The following TRAPPC9 variants were observed in gnomAD, a reference collection of about 807,000 sequenced individuals.
TRAPPC9 encodes trafficking protein particle complex subunit 9, also known as IKK2 binding protein.
Under a neutral mutation model 124.0 loss-of-function variants are expected in TRAPPC9, and 83 were observed. The observed-to-expected ratio is 0.67, with a 90% CI of 0.56 to 0.80. The LOEUF is 0.80. Among genes scored for constraint, TRAPPC9 ranks in the 30% least tolerant of loss-of-function variants. The pLI is 0.00. For synonymous variants in TRAPPC9, 638 were observed against 617.5 expected (o/e 1.03, Z -0.49); for missense variants, 1,302 against 1,508.3 (o/e 0.86, Z 2.27).
At chr8:140,157,565 G>A (rs34121671) in intron 17 of TRAPPC9, among the ~76,000 whole-genome samples, 25,151 of 152,146 alleles carry the variant, frequency 0.17, 2,535 homozygotes, top group Admixed American at 0.24. Context: ...GGGGACTGTC[G>A]TCCAATCTGG....
chr8:140,005,643 A>T (rs983862920), intron 18 of TRAPPC9, among the ~76,000 whole-genome samples: 13 of 152,084 alleles, frequency 8.5e-5, no homozygotes, highest in African/African-American at 2.9e-4. Flanking sequence ...TTTTGGGAAG[A>T]CAAGGGAGAA....
chr8:140,057,688 A>G (rs1842368321), intron 17 of TRAPPC9, among the ~76,000 whole-genome samples: 1 of 152,188 alleles, frequency 6.6e-6, no homozygotes, highest in Admixed American at 6.5e-5. Flanking sequence ...GAGAGGGGAA[A>G]CGGACAGTTG....
chr8:139,964,636 A>G (rs1835579162), intron 19 of TRAPPC9, among the ~76,000 whole-genome samples: 1 of 152,180 alleles, frequency 6.6e-6, no homozygotes, highest in Non-Finnish European at 1.5e-5. Flanking sequence ...AGGTATTTCT[A>G]TACAGAAAAA....
chr8:140,271,696 A>G (rs1228991721), intron 15 of TRAPPC9, among the ~76,000 whole-genome samples: 1 of 152,256 alleles, frequency 6.6e-6, no homozygotes, highest in African/African-American at 2.4e-5. Flanking sequence ...ATGCTACACC[A>G]TTATATACCT....
upstream of TRAPPC9, chr8:140,458,501 G>A (rs771814582): frequency 2.4e-5 from 38 of 1,579,760 alleles, 1 homozygote; most frequent in South Asian, 4.0e-4. Context: ...CGTGAGGTGC[G>A]AGCCCCAGCC....
intron 21 of TRAPPC9, among the ~76,000 whole-genome samples, chr8:139,812,550 T>G (rs1824516661): frequency 6.6e-6 from 1 of 152,246 alleles, no homozygotes; most frequent in Non-Finnish European, 1.5e-5. Flanking sequence ...GAGTAAGGAC[T>G]GCTGGTCTTC....
Position 140,097,583 on chromosome 8 carries a change from C to G in TRAPPC9, c.2557-73504G>C, listed in dbSNP as rs1483400779. The G allele has an allele frequency of 6.6e-6, 1 of 152,282 alleles. No homozygotes were observed. 9.4% of individuals were successfully genotyped at this position (152,282 alleles called of 1,614,324 possible). On this transcript the variant is annotated intron_variant, in intron 17 of 22. Coordinates refer to ENST00000438773, the MANE Select transcript of TRAPPC9 (RefSeq NM_001160372.4). The surrounding 1 kb of genome is among the most constrained non-coding windows in gnomAD (Gnocchi z 4.2). ...TCCGTAGTGTGCAGCCGCAGCTGTG[C>G]TGCTGTCCACACCATAAAAACTCCT...
chr8:140,205,027 G>A (rs1360381865), intron 17 of TRAPPC9, among the ~76,000 whole-genome samples: 1 of 152,210 alleles, frequency 6.6e-6, no homozygotes, highest in East Asian at 1.9e-4. Context: ...CTACGGAGAT[G>A]TCAGTTTAAA....
At chr8:140,155,970 T>C (rs558546853) in intron 17 of TRAPPC9, among the ~76,000 whole-genome samples, 3 of 152,148 alleles carry the variant, frequency 2.0e-5, no homozygotes, top group South Asian at 2.1e-4. Flanking sequence ...AAGGAACACA[T>C]GGAGGGGAAG....
intron 5 of TRAPPC9, among the ~76,000 whole-genome samples, chr8:140,419,993 G>T (rs998787736): frequency 6.6e-6 from 1 of 152,050 alleles, no homozygotes; most frequent in African/African-American, 2.4e-5. Flanking sequence ...GCTAAGAAAT[G>T]AGTTCCACAA....
At chr8:140,158,323 C>A (rs2061689453) in intron 17 of TRAPPC9, among the ~76,000 whole-genome samples, 1 of 152,168 alleles carries the variant, frequency 6.6e-6, no homozygotes, top group South Asian at 2.1e-4. Flanking sequence ...AATATAATCA[C>A]AAGGGTCCTT....
chr8:140,074,598 G>A (rs1843385646), intron 17 of TRAPPC9, among the ~76,000 whole-genome samples: 1 of 152,218 alleles, frequency 6.6e-6, no homozygotes, highest in African/African-American at 2.4e-5. Flanking sequence ...GGCTCTCGTT[G>A]TCAGACAGAC....
chr8:139,910,385 G>A, intron 19 of TRAPPC9, 85 bp from the exon 20 acceptor site: 7 of 1,299,510 alleles, frequency 5.4e-6, no homozygotes, highest in Middle Eastern at 3.7e-4. Flanking sequence ...ATGCCAGCGT[G>A]AGACACTATA....
At chr8:140,438,151 T>A (rs1043776329) in intron 3 of TRAPPC9, among the ~76,000 whole-genome samples, 1 of 152,176 alleles carries the variant, frequency 6.6e-6, no homozygotes, top group Non-Finnish European at 1.5e-5. Context: ...GCCCGTTAAC[T>A]GTCACTTCCC....
At chr8:140,456,731 G>C in intron 1 of TRAPPC9, 2 of 934,580 alleles carry the variant, frequency 2.1e-6, no homozygotes, top group Non-Finnish European at 2.6e-6. Context: ...GACTACCTTA[G>C]AAACACGGGA....
chr8:140,102,636 T>G (rs1169138092), intron 17 of TRAPPC9, among the ~76,000 whole-genome samples: 1 of 152,232 alleles, frequency 6.6e-6, no homozygotes, highest in East Asian at 1.9e-4. Context: ...CACTGCTTAC[T>G]TCTGTCTCTA....
At chr8:140,305,941 T>C (rs2131852496) in intron 10 of TRAPPC9, among the ~76,000 whole-genome samples, 1 of 152,370 alleles carries the variant, frequency 6.6e-6, no homozygotes, top group South Asian at 2.1e-4. Flanking sequence ...ACAAGACTAC[T>C]GAACAAAAGC....
intron 19 of TRAPPC9, among the ~76,000 whole-genome samples, chr8:139,974,987 C>T (rs551212777): frequency 4.6e-5 from 7 of 152,140 alleles, no homozygotes; most frequent in Non-Finnish European, 1.0e-4. Flanking sequence ...ATTCAAAGGG[C>T]TCCCCCAGCA....
Position 139,907,321 on chromosome 8 carries a change from T to C in TRAPPC9, c.2964+2826A>G, listed in dbSNP as rs538725400. 1.2e-3 allele frequency among the ~76,000 whole-genome samples: 187 copies of C among 152,316 alleles called. 4 individuals are homozygous for C. The Middle Eastern group carries it at 0.037, about 30-fold the overall frequency. On this transcript the variant is annotated intron_variant, in intron 20 of 22. Transcript: ENST00000438773. This position sits in a 1 kb window ranked among gnomAD's most constrained non-coding sequence, Gnocchi z 4.7. ...TACAGGTGGGCAACTGCTACAACTA[T>C]GGACGGGTATCAAATTAAGCTCAAA...
Sources: gnomAD v4.1 joint callset for allele counts (sites outside exome capture counted in the v4.1 genomes callset) on GRCh38, gnomAD v4.1.1 for gene constraint, Gnocchi (gnomAD v3.1) non-coding constraint, MANE v1.5 for transcripts, NCBI Gene and HGNC (gene_info 2026-07-23, HGNC 2026-07-21) for gene names.